NRN1: variants seen among roughly 807,000 people sequenced by gnomAD.
The protein encoded by NRN1 is neuritin.
A neutral mutation model predicts 15.0 loss-of-function variants in NRN1; 4 were observed. The observed-to-expected ratio is 0.27, with a 90% confidence interval of 0.13 to 0.61. NRN1 has a LOEUF of 0.61. Ranked by LOEUF, NRN1 falls within the 20% of genes least tolerant of loss-of-function variation. NRN1 has a pLI of 0.87. For missense variants in NRN1, 134 were observed against 181.9 expected, an observed-to-expected ratio of 0.74 and a Z score of 1.51; for synonymous variants, 85 against 79.8, an observed-to-expected ratio of 1.07 and a Z score of -0.35.
chr6:6,000,720 CTCTT>C (rs1561902733), intron 2 of NRN1, among the ~76,000 whole-genome samples: 4 of 72,880 alleles, frequency 5.5e-5, no homozygotes. Flanking sequence ...GCCTAAATTG[CTCTT>C]TTTTTTTTTT....
rs1758123750 is a variant in NRN1 at position 6,006,874 on chromosome 6, G to T, written c.-125C>A. The T allele has an allele frequency of 2.7e-6, 2 of 727,418 alleles. No individual in the cohort carries two copies. The highest frequency in any genetic ancestry group is 5.0e-6 in the Non-Finnish European group (2 of 400,648). 45.1% of individuals were successfully genotyped at this position (727,418 alleles called of 1,614,324 possible). ...GGAGCGACAGAGACTTTATGCACTG[G>T]GAAGGCAGAGGGAGGAGAGAAAGAG... On this transcript the variant is annotated 5_prime_UTR_variant, in exon 1 of 3. Coordinates refer to ENST00000244766, the MANE Select transcript of NRN1 (RefSeq NM_016588.3).
Position 5,998,209 on chromosome 6 carries a change from G to C in NRN1, c.*767C>G, listed in dbSNP as rs1757819777. The C allele has an allele frequency of 6.6e-6, 1 of 151,704 alleles. No individual in the cohort carries two copies. The highest frequency in any genetic ancestry group is 1.5e-5 in the Non-Finnish European group (1 of 67,988). The allele number at this position is 151,704 out of a possible 1,614,324, so 9.4% of individuals were successfully genotyped here. A position where few individuals can be genotyped will look rare whatever the true frequency, so the allele number is the denominator to read the frequency against. On this transcript the variant is annotated 3_prime_UTR_variant, in exon 3 of 3. Coordinates refer to ENST00000244766, the MANE Select transcript of NRN1 (RefSeq NM_016588.3). ...GTGATCTATACCGTTGGATATTCAG[G>C]TATTACTGTGTGTGTAACAGCTAAA...
At chr6:6,002,579 C>A in intron 1 of NRN1, 82 bp from the exon 2 acceptor site, 1 of 1,538,816 alleles carries the variant, frequency 6.5e-7, no homozygotes, top group South Asian at 1.2e-5. Context: ...GACCCTGGCT[C>A]CGCGCGGCCT....
At chr6:6,001,919 A>T (rs1395281464) in intron 2 of NRN1, among the ~76,000 whole-genome samples, 1 of 152,200 alleles carries the variant, frequency 6.6e-6, no homozygotes, top group African/African-American at 2.4e-5. Flanking sequence ...ATCCAAACTA[A>T]CTGTTCTTCA....
Position 5,998,961 on chromosome 6 carries a change from G to T in NRN1, c.*15C>A. 6.3e-6 allele frequency: 10 copies of T among 1,590,828 alleles called. No homozygotes were observed. The highest frequency in any genetic ancestry group is 1.1e-5 in the South Asian group (1 of 89,772). On this transcript the variant is annotated 3_prime_UTR_variant, in exon 3 of 3. Coordinates refer to ENST00000244766, the MANE Select transcript of NRN1 (RefSeq NM_016588.3). ...GTGAGTGTGGGTGGGCGCGCGGGGG[G>T]AGCTGGCCCCACGCTCAGAAGGAAA...
At chr6:6,001,759 T>C (rs536804997) in intron 2 of NRN1, among the ~76,000 whole-genome samples, 18 of 152,298 alleles carry the variant, frequency 1.2e-4, no homozygotes, top group Admixed American at 3.3e-4. Flanking sequence ...GCCTGTCTCC[T>C]AGAAAACAGG....
chr6:6,003,673 C>T (rs1413641548), intron 1 of NRN1: 1 of 1,231,536 alleles, frequency 8.1e-7, no homozygotes, highest in Non-Finnish European at 1.0e-6. Context: ...ACGGCCAAAC[C>T]CCGAGGCGCG....
rs1757843950 is a variant in NRN1, at chr6:5,998,897, G to T, written c.*79C>A. 5 of 979,764 alleles carry T rather than the reference G, an allele frequency of 5.1e-6. No homozygotes were observed. Among genetic ancestry groups the T allele is most frequent in the Non-Finnish European group, 7.8e-6 (5 of 643,282 alleles). The allele number at this position is 979,764 out of a possible 1,614,324, so 60.7% of individuals were successfully genotyped here. ...CACAGAGAATCACAACGTCCCCAAAGAACTAATGGATCTTCCTCTCGATTT... is the reference window on the plus strand; with the variant it reads ...CACAGAGAATCACAACGTCCCCAAATAACTAATGGATCTTCCTCTCGATTT... On this transcript the variant is annotated 3_prime_UTR_variant, in exon 3 of 3. Coordinates refer to ENST00000244766, the MANE Select transcript of NRN1 (RefSeq NM_016588.3).
chr6:6,002,716 T>C, intron 1 of NRN1: 2 of 624,566 alleles, frequency 3.2e-6, no homozygotes, highest in Non-Finnish European at 5.5e-6. Context: ...ATTGTCGGTG[T>C]GTGAGCAGGT....
chr6:6,006,784 C>G lies in NRN1; in HGVS notation c.-35G>C. The stretch of plus-strand genomic sequence containing the variant: ...AGTCAAACCATTTGCGACCGCAGAC[C>G]TTTAAATAGTTAGTTTAGAGAACGC... On this transcript the variant is annotated 5_prime_UTR_variant, in exon 1 of 3. Coordinates refer to ENST00000244766, the MANE Select transcript of NRN1 (RefSeq NM_016588.3). 1 of 1,607,872 alleles carries G rather than the reference C, an allele frequency of 6.2e-7. No individual in the cohort carries two copies.
intron 2 of NRN1, among the ~76,000 whole-genome samples, chr6:6,000,981 C>T (rs572346164): frequency 9.7e-4 from 148 of 152,254 alleles, no homozygotes; most frequent in Non-Finnish European, 1.6e-3. Flanking sequence ...ACAAGTTCCA[C>T]CAAATGACAG....
intron 2 of NRN1, among the ~76,000 whole-genome samples, chr6:6,000,133 C>A (rs1310277836): frequency 6.6e-6 from 1 of 152,232 alleles, no homozygotes; most frequent in Non-Finnish European, 1.5e-5. Context: ...GCCTCCAAGG[C>A]CGGAACTGCG....
At position 6,006,199 on chromosome 6, in the gene NRN1, G is replaced by C. The variant is rs550381166; in HGVS notation, c.55+496C>G. Among the ~76,000 whole-genome samples the C allele has an allele frequency of 4.9e-4, 75 of 152,294 alleles. 1 individual carries two copies. The South Asian group carries it at 0.014, about 28-fold the overall frequency. ...TGCAAACGCTGCAGCTAGGATATAGGGGGGAGGAGGGGCGGGAGAATGACA... is the reference window on the plus strand; with the variant it reads ...TGCAAACGCTGCAGCTAGGATATAGCGGGGAGGAGGGGCGGGAGAATGACA... On this transcript the variant is annotated intron_variant, in intron 1 of 2. Transcript: ENST00000244766.
chr6:6,003,262 A>C, intron 1 of NRN1: 1 of 1,234,446 alleles, frequency 8.1e-7, no homozygotes. Context: ...CCTGGCGCGG[A>C]TGATGAGTGG....
intron 1 of NRN1, among the ~76,000 whole-genome samples, chr6:6,003,546 G>A (rs1758023562): frequency 6.6e-6 from 1 of 151,888 alleles, no homozygotes; most frequent in African/African-American, 2.4e-5. Flanking sequence ...CCCAGCTCAG[G>A]ACTCCCTGCA....
rs532384908 is a variant in NRN1, at chr6:6,002,496, C to G, written c.57G>C (p.Ala19=). 6 of 1,613,294 alleles carry G rather than the reference C, an allele frequency of 3.7e-6. No homozygotes were observed. Among genetic ancestry groups the G allele is most frequent in the Non-Finnish European group, 5.1e-6 (6 of 1,179,620 alleles). ...YISLILAVQI[A]YLVQAVRAAG... ...CTGCTCTCACGGCCTGCACCAGATA[C>G]GCTGCGGGGAGGAGGGAACACCGGT... The change falls in exon 2 of 3, where the codon GCG becomes GCC. Residue 19 remains alanine, a splice_region_variant and synonymous_variant. Transcript: ENST00000244766.
Position 6,006,700 on chromosome 6 carries a change from T to C in NRN1, c.50A>G (p.Gln17Arg). The change falls in exon 1 of 3, where the codon CAA becomes CGA. Residue 17 changes from glutamine (Q) to arginine (R), a missense_variant. Transcript: ENST00000244766. ...GRYISLILAV[Q>R]IAYLVQAVRA... ...CGGGCTGAGCGGCCACTTACCTATTTGCACCGCGAGGATCAGTGAAATATA... is the reference window on the plus strand; with the variant it reads ...CGGGCTGAGCGGCCACTTACCTATTCGCACCGCGAGGATCAGTGAAATATA... 6.2e-7 allele frequency: 1 copy of C among 1,614,080 alleles called. No individual in the cohort carries two copies. Among genetic ancestry groups the C allele is most frequent in the Non-Finnish European group, 8.5e-7 (1 of 1,179,948 alleles).
intron 2 of NRN1, among the ~76,000 whole-genome samples, 186 bp downstream of exon 2, chr6:6,002,167 T>A (rs1271110768): frequency 6.6e-6 from 1 of 152,216 alleles, no homozygotes; most frequent in Non-Finnish European, 1.5e-5. Context: ...GGGATCCCCT[T>A]GGGAAGCGCA....
chr6:6,003,823 C>G (rs888381864), intron 1 of NRN1: 7 of 1,233,624 alleles, frequency 5.7e-6, no homozygotes, highest in Non-Finnish European at 7.1e-6. Flanking sequence ...CAGAGAAGCA[C>G]AGCGTTAGGG....
Sources: allele counts gnomAD v4.1 joint callset (sites outside exome capture counted in the v4.1 genomes callset), GRCh38; gene constraint gnomAD v4.1.1; transcripts MANE v1.5; gene names NCBI Gene and HGNC (gene_info 2026-07-23, HGNC 2026-07-21).